JAKMIP3: variants seen among roughly 807,000 people sequenced by gnomAD.
The protein encoded by JAKMIP3 is janus kinase and microtubule-interacting protein 3.
JAKMIP3 carries 58 observed loss-of-function variants against 118.5 expected under a neutral mutation model. The ratio of observed to expected loss-of-function variants is 0.49; its 90% CI spans 0.40 to 0.61. The LOEUF (loss-of-function observed/expected upper bound fraction) is 0.61, where lower values mean the gene tolerates loss of function less well. Among genes scored for constraint, JAKMIP3 ranks in the 20% least tolerant of loss-of-function variants. The probability of loss-of-function intolerance (pLI) is 0.00; values close to 1 mark genes in which losing one functional copy is unlikely to be tolerated. For synonymous variants in JAKMIP3, 486 were observed against 451.2 expected (o/e 1.08, Z -0.98); for missense variants, 950 against 1,109.0 (o/e 0.86, Z 2.04).
intron 1 of JAKMIP3, among the ~76,000 whole-genome samples, chr10:132,080,403 G>A (rs2041573460): frequency 6.7e-6 from 1 of 148,706 alleles, no homozygotes. Flanking sequence ...CTTTTTATGT[G>A]CTTATTGGCC....
chr10:132,155,221 T>C (rs1025756274), intron 19 of JAKMIP3, among the ~76,000 whole-genome samples: 6 of 150,998 alleles, frequency 4.0e-5, no homozygotes, highest in African/African-American at 1.5e-4. Flanking sequence ...TCAATGATGA[T>C]GGTGATGATG....
intron 14 of JAKMIP3, 118 bp downstream of exon 14, chr10:132,148,168 G>T (rs537500529): frequency 1.3e-5 from 6 of 449,322 alleles, no homozygotes; most frequent in African/African-American, 1.2e-4. Flanking sequence ...GAACCCAAAA[G>T]GCTGCGTCAG....
upstream of JAKMIP3, among the ~76,000 whole-genome samples, chr10:132,062,413 G>A (rs1372472610): frequency 2.6e-5 from 4 of 152,154 alleles, no homozygotes; most frequent in Admixed American, 2.0e-4. Context: ...AGGGGTGCTC[G>A]TGGCAGCACC....
At chr10:132,076,817 G>T (rs941864151) in intron 1 of JAKMIP3, among the ~76,000 whole-genome samples, 1 of 148,196 alleles carries the variant, frequency 6.7e-6, no homozygotes, top group Admixed American at 6.7e-5. Context: ...CAGGTATGAT[G>T]GCATGAGGAC....
At chr10:132,071,834 C>T (rs1213622047) in intron 1 of JAKMIP3, among the ~76,000 whole-genome samples, 383 of 20,108 alleles carry the variant, frequency 0.019, 2 homozygotes, top group African/African-American at 0.1. Context: ...TTCCTTTCTT[C>T]CCTTTCCTTT....
intron 23 of JAKMIP3, chr10:132,170,228 TGC>T (rs1210533170): frequency 6.6e-6 from 1 of 152,162 alleles, no homozygotes; most frequent in Non-Finnish European, 1.5e-5. Context: ...TCTCTAACTG[TGC>T]GGCAAGGACA....
chr10:132,096,643 T>C (rs1437527723), intron 1 of JAKMIP3, among the ~76,000 whole-genome samples: 1 of 152,222 alleles, frequency 6.6e-6, no homozygotes, highest in Non-Finnish European at 1.5e-5. Flanking sequence ...ATTTTTTTTT[T>C]CTTTTTTAAG....
At chr10:132,095,464 G>A (rs955838631) in intron 1 of JAKMIP3, among the ~76,000 whole-genome samples, 1 of 152,148 alleles carries the variant, frequency 6.6e-6, no homozygotes, top group African/African-American at 2.4e-5. Context: ...ATCTTCTCCC[G>A]TGATCTAGAC....
At chr10:132,082,554 T>A (rs569434559) in intron 1 of JAKMIP3, among the ~76,000 whole-genome samples, 30 of 152,300 alleles carry the variant, frequency 2.0e-4, no homozygotes, top group Non-Finnish European at 3.7e-4. Flanking sequence ...CGAATGCCAT[T>A]AATTCATTCC....
chr10:132,109,065 T>C (rs1432733846), intron 2 of JAKMIP3, among the ~76,000 whole-genome samples: 1 of 1,610 alleles, frequency 6.2e-4, no homozygotes, highest in East Asian at 0.025. Context: ...CATGCACATA[T>C]ACACACATAC....
At position 132,149,519 on chromosome 10, in the gene JAKMIP3, C is replaced by CA; in HGVS notation, c.1947+9_1947+10insA. The stretch of plus-strand genomic sequence containing the variant: ...AGGCCGAAGGTGTGACGGTGAGTCC[C>CA]GCCCCTCCTGCCCACTCCGCCCCCA... On this transcript the variant is annotated intron_variant, in intron 15 of 23. Coordinates refer to ENST00000684848, the MANE Select transcript of JAKMIP3 (RefSeq NM_001323087.2). The CA allele has an allele frequency of 6.7e-7, 1 of 1,499,502 alleles. No homozygotes were observed. Among genetic ancestry groups the CA allele is most frequent in the Non-Finnish European group, 9.0e-7 (1 of 1,113,346 alleles). 92.9% of individuals were successfully genotyped at this position (1,499,502 alleles called of 1,614,324 possible). A position where few individuals can be genotyped will look rare whatever the true frequency, so the allele number is the denominator to read the frequency against.
intron 13 of JAKMIP3, among the ~76,000 whole-genome samples, chr10:132,147,458 C>T (rs981054995): frequency 1.3e-5 from 2 of 152,226 alleles, no homozygotes; most frequent in Admixed American, 6.5e-5. Flanking sequence ...CAAGTGAATT[C>T]CGGTGGCCAG....
Position 132,137,084 on chromosome 10 carries a change from G to A in JAKMIP3, c.1182G>A (p.Glu394=). ...SLNDLDQSQD[E]REVDFLKLQI... ...ATGACCTTGATCAAAGTCAGGATGA[G>A]AGAGAAGTCGATTTCTTGAAGCTTC... Residue 394 remains glutamate (E), a synonymous_variant, in exon 7 of 24, where the codon GAG becomes GAA. Transcript: ENST00000684848. 1 of 1,613,978 alleles carries A rather than the reference G, an allele frequency of 6.2e-7. No homozygotes were observed. Among genetic ancestry groups the A allele is most frequent in the African/African-American group, 1.3e-5 (1 of 75,046 alleles).
chr10:132,159,595 CAT>C (rs2057671307), intron 19 of JAKMIP3, among the ~76,000 whole-genome samples: 1 of 75,210 alleles, frequency 1.3e-5, no homozygotes, highest in African/African-American at 4.8e-5. Flanking sequence ...ATGCTGGGGG[CAT>C]GTCTTCCTAT....
rs1158578181 is a variant in JAKMIP3 at position 132,135,915 on chromosome 10, T to C, written c.970-15T>C. 2 of 1,609,238 alleles carry C rather than the reference T, an allele frequency of 1.2e-6. No homozygotes were observed. Among genetic ancestry groups the C allele is most frequent in the Non-Finnish European group, 8.5e-7 (1 of 1,178,120 alleles). On this transcript the variant is annotated splice_polypyrimidine_tract_variant and intron_variant, in intron 5 of 23. Transcript: ENST00000684848. ...CGTCACTTAAAGAACAATCACATAG[T>C]GCGTTGTCTTTCAGTTGAAGCGCGT... is the stretch of plus-strand genomic sequence containing the variant.
At chr10:132,159,378 G>C in intron 19 of JAKMIP3, among the ~76,000 whole-genome samples, 1 of 96,524 alleles carries the variant, frequency 1.0e-5, no homozygotes, top group Non-Finnish European at 2.0e-5. Context: ...CTGGTTGGGG[G>C]GGGTCTATTC....
At chr10:132,045,026 T>G (rs545555127) in intron 1 of JAKMIP3, among the ~76,000 whole-genome samples, 1 of 152,266 alleles carries the variant, frequency 6.6e-6, no homozygotes, top group African/African-American at 2.4e-5. Context: ...TGTTTCAGTC[T>G]TGCGAATCAT....
intron 19 of JAKMIP3, among the ~76,000 whole-genome samples, chr10:132,155,572 G>C (rs776942899): frequency 1.3e-5 from 2 of 152,246 alleles, no homozygotes; most frequent in Non-Finnish European, 2.9e-5. Flanking sequence ...GTCAGTTGCT[G>C]TGGAAGCCAG....
In JAKMIP3 at chr10:132,179,391, G is replaced by A. The variant is rs548294583; in HGVS notation, c.*1104-2966G>A. Among the ~76,000 whole-genome samples the A allele has an allele frequency of 1.2e-3, 181 of 152,198 alleles. 4 individuals are homozygous for A. The highest frequency in any genetic ancestry group is 9.6e-3 in the Admixed American group (146 of 15,286). On this transcript the variant is annotated intron_variant, in intron 23 of 23. Coordinates refer to ENST00000684848, the MANE Select transcript of JAKMIP3 (RefSeq NM_001323087.2). The surrounding 1 kb of genome is among the most constrained non-coding windows in gnomAD (Gnocchi z 4.3). Reference sequence around the variant, plus strand: ...ACATCCTACCTCTCTCCTGTCACTCGAAGCTCAGCCACCTGAGCAGCACTT... The same window carrying A: ...ACATCCTACCTCTCTCCTGTCACTCAAAGCTCAGCCACCTGAGCAGCACTT...
Sources: gnomAD v4.1 joint callset for allele counts (sites outside exome capture counted in the v4.1 genomes callset) on GRCh38, gnomAD v4.1.1 for gene constraint, Gnocchi (gnomAD v3.1) non-coding constraint, MANE v1.5 for transcripts, NCBI Gene and HGNC (gene_info 2026-07-23, HGNC 2026-07-21) for gene names.